Variants in TGFBR3 observed in about 807,000 individuals in gnomAD.
TGFBR3 encodes transforming growth factor beta receptor 3, also known as transforming growth factor beta receptor type 3.
A neutral mutation model predicts 87.9 loss-of-function variants in TGFBR3; 46 were observed. That is an observed-to-expected ratio of 0.52 (90% CI 0.41 to 0.67). The LOEUF (loss-of-function observed/expected upper bound fraction) is 0.67. Among genes scored for constraint, TGFBR3 ranks in the 30% least tolerant of loss-of-function variants. The pLI, the probability that TGFBR3 is intolerant of heterozygous loss-of-function variation, is 0.00. For missense variants in TGFBR3, 866 were observed against 1,041.9 expected (o/e 0.83, Z 2.32); for synonymous variants, 381 against 391.6 (o/e 0.97, Z 0.32).
At chr1:91,693,633 G>A (rs374056097) in intron 16 of TGFBR3, among the ~76,000 whole-genome samples, 13 of 152,274 alleles carry the variant, frequency 8.5e-5, no homozygotes, top group African/African-American at 3.1e-4. Flanking sequence ...GCCTGGACCT[G>A]GCTTCCTGGC....
intron 2 of TGFBR3, among the ~76,000 whole-genome samples, chr1:91,808,134 A>G (rs1219713241): frequency 6.6e-6 from 1 of 152,234 alleles, no homozygotes; most frequent in South Asian, 2.1e-4. Flanking sequence ...ACTTAAAATA[A>G]AACTACAGCT....
intron 16 of TGFBR3, among the ~76,000 whole-genome samples, chr1:91,685,925 A>C (rs964722635): frequency 6.6e-6 from 1 of 152,222 alleles, no homozygotes; most frequent in Non-Finnish European, 1.5e-5. Flanking sequence ...ATCCTCACAT[A>C]ATCAATCAGA....
intron 2 of TGFBR3, among the ~76,000 whole-genome samples, chr1:91,817,800 C>G (rs1317007568): frequency 6.6e-6 from 1 of 150,820 alleles, no homozygotes; most frequent in African/African-American, 2.4e-5. Context: ...TGACTTGGTG[C>G]GCTATGAGGC....
upstream of TGFBR3, among the ~76,000 whole-genome samples, chr1:91,888,938 G>T (rs935699915): frequency 6.6e-6 from 1 of 152,120 alleles, no homozygotes; most frequent in South Asian, 2.1e-4. Context: ...CTGGAGTGCA[G>T]TGGCGCAATC....
chr1:91,825,503 T>C (rs1367381579), intron 2 of TGFBR3, among the ~76,000 whole-genome samples: 2 of 152,150 alleles, frequency 1.3e-5, no homozygotes, highest in African/African-American at 2.4e-5. Flanking sequence ...TAGGGAGAGA[T>C]TGCCAATGGA....
At chr1:91,805,746 A>G (rs1675804681) in intron 2 of TGFBR3, among the ~76,000 whole-genome samples, 1 of 152,250 alleles carries the variant, frequency 6.6e-6, no homozygotes, top group Admixed American at 6.5e-5. Context: ...TATGGTTACC[A>G]CACCACTAGG....
At position 91,719,472 on chromosome 1, in the gene TGFBR3, A is replaced by G. The variant is rs1557674898; in HGVS notation, c.1414-8T>C. On this transcript the variant is annotated splice_polypyrimidine_tract_variant and splice_region_variant and intron_variant, in intron 9 of 16. Coordinates refer to ENST00000212355, the MANE Select transcript of TGFBR3 (RefSeq NM_003243.5). ...CCCCGAGTAGCCACTGGCCTAAAAC[A>G]ACAACCACCAAAGACATGGTTGGAG... 1.2e-6 allele frequency: 2 copies of G among 1,613,966 alleles called. No individual in the cohort carries two copies. Among genetic ancestry groups the G allele is most frequent in the Non-Finnish European group, 1.7e-6 (2 of 1,179,976 alleles).
chr1:91,733,129 G>C (rs917099106), intron 5 of TGFBR3, among the ~76,000 whole-genome samples: 2 of 152,142 alleles, frequency 1.3e-5, no homozygotes, highest in African/African-American at 4.8e-5. Context: ...GACTTTTTGA[G>C]CCCAGCCCTC....
rs201647804 is a variant in TGFBR3, at chr1:91,734,918, G to A, written c.426C>T (p.Phe142=). 7 of 1,614,208 alleles carry A rather than the reference G, an allele frequency of 4.3e-6. No individual in the cohort carries two copies. The African/African-American group carries it at 8.0e-5, about 18-fold the overall frequency. The change falls in exon 5 of 17, where the codon TTC becomes TTT. Residue 142 remains phenylalanine, a synonymous_variant. Coordinates refer to ENST00000212355, the MANE Select transcript of TGFBR3 (RefSeq NM_003243.5). ...GSVVQFSSAN[F]SLTAETEERN... The stretch of plus-strand genomic sequence containing the variant: ...TTTCTTCTGTTTCTGCTGTCAAGGA[G>A]AAGTTTGCTGATGAAAACTGGACCA...
At chr1:91,690,627 C>T (rs147198838) in intron 16 of TGFBR3, among the ~76,000 whole-genome samples, 9 of 152,096 alleles carry the variant, frequency 5.9e-5, no homozygotes, top group African/African-American at 1.4e-4. Context: ...ATACCCTGGC[C>T]GGGAAGTCTG....
chr1:91,683,908 T>C (rs758525601), intron 16 of TGFBR3, 51 bp from the exon 17 acceptor site: 2 of 1,460,050 alleles, frequency 1.4e-6, no homozygotes, highest in Non-Finnish European at 1.9e-6. Flanking sequence ...ATATTATGTA[T>C]GTGCATTCCT....
chr1:91,890,954 G>T (rs935515283), upstream of TGFBR3, among the ~76,000 whole-genome samples: 1 of 151,442 alleles, frequency 6.6e-6, no homozygotes, highest in Non-Finnish European at 1.5e-5. Flanking sequence ...CTAGAGTGCA[G>T]TGGTGCAGTC....
intron 1 of TGFBR3, among the ~76,000 whole-genome samples, chr1:91,865,327 A>C (rs2101213449): frequency 6.6e-6 from 1 of 152,060 alleles, no homozygotes; most frequent in Admixed American, 6.5e-5. Context: ...AAAAAAGTAG[A>C]AATACCTAAT....
At chr1:91,776,974 C>T (rs190101856) in intron 3 of TGFBR3, among the ~76,000 whole-genome samples, 24 of 152,278 alleles carry the variant, frequency 1.6e-4, no homozygotes, top group Non-Finnish European at 3.1e-4. Context: ...CCTGGGAAGA[C>T]CACATTCATT....
intron 1 of TGFBR3, among the ~76,000 whole-genome samples, chr1:91,873,807 G>A (rs991576303): frequency 1.3e-5 from 2 of 152,142 alleles, no homozygotes; most frequent in African/African-American, 2.4e-5. Context: ...AAAATTGGCT[G>A]GGCCTGATGG....
At chr1:91,768,457 G>C (rs1674259741) in intron 3 of TGFBR3, among the ~76,000 whole-genome samples, 1 of 152,168 alleles carries the variant, frequency 6.6e-6, no homozygotes, top group South Asian at 2.1e-4. Flanking sequence ...AAATTGATAG[G>C]TTTTGGATCT....
At chr1:91,735,445 A>C (rs11165380) in intron 4 of TGFBR3, among the ~76,000 whole-genome samples, 98,077 of 152,052 alleles carry the variant, frequency 0.65, 32,176 homozygotes, top group South Asian at 0.82. Flanking sequence ...ACAATAGGGA[A>C]ACAGCGAGAG....
At chr1:91,892,394 G>C (rs1679469621) in intron 2 of TGFBR3, among the ~76,000 whole-genome samples, 1 of 151,998 alleles carries the variant, frequency 6.6e-6, no homozygotes, top group African/African-American at 2.4e-5. Context: ...CTGTTTACTG[G>C]GTTTTGGTCT....
chr1:91,814,054 C>T (rs1176140388), intron 2 of TGFBR3, among the ~76,000 whole-genome samples: 6 of 152,178 alleles, frequency 3.9e-5, no homozygotes, highest in Admixed American at 1.3e-4. Flanking sequence ...CTAACAGGTC[C>T]GTGGCCTGGG....
Sources: gnomAD v4.1 joint callset for allele counts (sites outside exome capture counted in the v4.1 genomes callset) on GRCh38, gnomAD v4.1.1 for gene constraint, MANE v1.5 for transcripts, NCBI Gene and HGNC (gene_info 2026-07-23, HGNC 2026-07-21) for gene names.